The following GNG12 variants were observed in gnomAD, a reference collection of about 807,000 sequenced individuals.
GNG12 encodes guanine nucleotide-binding protein G(I)/G(S)/G(O) subunit gamma-12.
For missense variants in GNG12, 69 were observed against 83.8 expected (o/e 0.82, Z 0.69); for synonymous variants, 28 against 29.7 (o/e 0.94, Z 0.19).
chr1:67,797,814 C>T (rs748284971), intron 1 of GNG12, among the ~76,000 whole-genome samples: 1 of 152,120 alleles, frequency 6.6e-6, no homozygotes, highest in Non-Finnish European at 1.5e-5. Flanking sequence ...ACGAGAGAAC[C>T]ATCCCCTCGG....
intron 2 of GNG12, among the ~76,000 whole-genome samples, chr1:67,712,085 C>T (rs1163493077): frequency 6.6e-6 from 1 of 152,230 alleles, no homozygotes; most frequent in Admixed American, 6.5e-5. Context: ...AGCTCCTCAA[C>T]AGCTGGGCTG....
intron 1 of GNG12, among the ~76,000 whole-genome samples, chr1:67,802,503 C>T (rs139126707): frequency 4.6e-5 from 7 of 152,354 alleles, no homozygotes; most frequent in Non-Finnish European, 8.8e-5. Context: ...GCTCTGCTCT[C>T]ACTGCCTCTT....
intron 2 of GNG12, among the ~76,000 whole-genome samples, chr1:67,750,056 C>T (rs1289505505): frequency 6.6e-6 from 1 of 152,238 alleles, no homozygotes; most frequent in South Asian, 2.1e-4. Flanking sequence ...AAGGTACCCA[C>T]TGCCCAGCCT....
intron 1 of GNG12, among the ~76,000 whole-genome samples, chr1:67,817,762 A>C (rs536508532): frequency 1.3e-4 from 20 of 151,012 alleles, no homozygotes; most frequent in African/African-American, 4.9e-4. Flanking sequence ...AATGTTAATA[A>C]ATGTTTTCTT....
chr1:67,768,047 G>A (rs1646651915), intron 2 of GNG12, among the ~76,000 whole-genome samples: 1 of 152,212 alleles, frequency 6.6e-6, no homozygotes, highest in African/African-American at 2.4e-5. Context: ...AATGAGCTGG[G>A]ACTATAGGCA....
At chr1:67,766,689 C>T (rs749615421) in intron 2 of GNG12, among the ~76,000 whole-genome samples, 14 of 151,950 alleles carry the variant, frequency 9.2e-5, no homozygotes, top group Admixed American at 5.2e-4. Flanking sequence ...CCCTCCCACC[C>T]GGTCTCCTCT....
chr1:67,799,521 G>T (rs1244578955), intron 1 of GNG12, among the ~76,000 whole-genome samples: 1 of 152,084 alleles, frequency 6.6e-6, no homozygotes, highest in Non-Finnish European at 1.5e-5. Context: ...TGACGTTCAT[G>T]GATAAACTTT....
At chr1:67,820,700 A>G (rs920648203) in intron 1 of GNG12, among the ~76,000 whole-genome samples, 5 of 152,102 alleles carry the variant, frequency 3.3e-5, no homozygotes, top group Non-Finnish European at 7.4e-5. Flanking sequence ...ACAGTATTCA[A>G]CCTCTCAGAA....
chr1:67,791,284 T>C (rs1240723909), intron 1 of GNG12, among the ~76,000 whole-genome samples: 1 of 152,196 alleles, frequency 6.6e-6, no homozygotes, highest in Non-Finnish European at 1.5e-5. Context: ...TTAGGTGTCT[T>C]AGCAAACTGT....
intron 1 of GNG12, among the ~76,000 whole-genome samples, chr1:67,803,677 T>C (rs1646879358): frequency 6.6e-6 from 1 of 152,218 alleles, no homozygotes; most frequent in Non-Finnish European, 1.5e-5. Context: ...ATGTTCCCTT[T>C]TTAGAGATGC....
At chr1:67,828,873 C>A (rs1647026477) in intron 1 of GNG12, among the ~76,000 whole-genome samples, 1 of 152,182 alleles carries the variant, frequency 6.6e-6, no homozygotes, top group Non-Finnish European at 1.5e-5. Context: ...ATTCTCACTG[C>A]AAAGGTTTTG....
intron 2 of GNG12, among the ~76,000 whole-genome samples, chr1:67,729,387 TTCTC>T (rs1036847819): frequency 6.6e-5 from 10 of 152,210 alleles, no homozygotes; most frequent in South Asian, 2.1e-4. Context: ...TGGACTCAGC[TTCTC>T]TCTCTTTCTG....
intron 1 of GNG12, among the ~76,000 whole-genome samples, chr1:67,792,542 G>T (rs1646807525): frequency 6.6e-6 from 1 of 152,108 alleles, no homozygotes; most frequent in African/African-American, 2.4e-5. Context: ...TAAGCATCTG[G>T]CATGTTCTGT....
At chr1:67,820,388 A>C (rs1450240383) in intron 1 of GNG12, among the ~76,000 whole-genome samples, 1 of 146,032 alleles carries the variant, frequency 6.8e-6, no homozygotes, top group East Asian at 2.1e-4. Context: ...TCTCAAAAAA[A>C]AAAAAAAGAT....
chr1:67,788,466 T>C (rs1402022683), intron 1 of GNG12, among the ~76,000 whole-genome samples: 2 of 151,670 alleles, frequency 1.3e-5, no homozygotes, highest in African/African-American at 4.8e-5. Flanking sequence ...CCCTGGTAGC[T>C]GGGACTACAG....
chr1:67,753,627 C>A (rs531024295), intron 2 of GNG12, among the ~76,000 whole-genome samples: 7 of 152,228 alleles, frequency 4.6e-5, no homozygotes, highest in Non-Finnish European at 7.3e-5. Context: ...CACAGCTCAG[C>A]TTCTGCCTCC....
intron 1 of GNG12, among the ~76,000 whole-genome samples, chr1:67,828,436 C>G (rs904079135): frequency 2.0e-5 from 3 of 152,214 alleles, no homozygotes; most frequent in African/African-American, 7.2e-5. Flanking sequence ...TAAGATGCTT[C>G]TGGGTCAAAT....
At chr1:67,806,459 A>G (rs981632868) in intron 1 of GNG12, among the ~76,000 whole-genome samples, 2 of 152,068 alleles carry the variant, frequency 1.3e-5, no homozygotes, top group Non-Finnish European at 2.9e-5. Context: ...TGGAGGGCCA[A>G]CTTTCCATAT....
At chr1:67,782,843 C>A (rs1209449987) in intron 1 of GNG12, among the ~76,000 whole-genome samples, 1 of 152,114 alleles carries the variant, frequency 6.6e-6, no homozygotes, top group African/African-American at 2.4e-5. Context: ...ATATTTCCAG[C>A]AGTCTAGTGC....
Sources: allele counts gnomAD v4.1 joint callset (sites outside exome capture counted in the v4.1 genomes callset), GRCh38; gene constraint gnomAD v4.1.1; transcripts MANE v1.5; gene names NCBI Gene and HGNC (gene_info 2026-07-23, HGNC 2026-07-21).